KAZN: variants seen among roughly 807,000 people sequenced by gnomAD.
The protein encoded by KAZN is kazrin, periplakin interacting protein, also known as kazrin.
A neutral mutation model predicts 87.4 loss-of-function variants in KAZN; 40 were observed. The ratio of observed to expected loss-of-function variants is 0.46; its 90% CI spans 0.36 to 0.60. KAZN has a LOEUF of 0.60. Among genes scored for constraint, KAZN ranks in the 20% least tolerant of loss-of-function variants. KAZN has a pLI of 0.00. For synonymous variants in KAZN, 466 were observed against 458.3 expected (o/e 1.02, Z -0.22); for missense variants, 898 against 1,073.9 (o/e 0.84, Z 2.29).
chr1:14,591,008 T>G (rs183023529), intron 2 of KAZN, among the ~76,000 whole-genome samples: 10 of 152,192 alleles, frequency 6.6e-5, no homozygotes, highest in Admixed American at 2.0e-4. Context: ...TCAGCTAACA[T>G]CCTCCTGCTA....
At chr1:14,933,074 T>G (rs1251032290) in intron 1 of KAZN, among the ~76,000 whole-genome samples, 1 of 152,174 alleles carries the variant, frequency 6.6e-6, no homozygotes, top group Non-Finnish European at 1.5e-5. Flanking sequence ...CACACCGTAG[T>G]TGCAGGGTTC....
intron 1 of KAZN, among the ~76,000 whole-genome samples, chr1:14,883,344 A>AGAGAGAGAGAGAGAGAGAGAGAGAG (rs1557586164): frequency 2.4e-4 from 7 of 29,678 alleles, no homozygotes; most frequent in Admixed American, 5.1e-4. Context: ...GAGAGAGAGA[A>AGAGAGAGAGAGAGAGAGAGAGAGAG]AGAAAGAAAG....
chr1:15,112,516 GC>G lies in KAZN; in HGVS notation c.2139del (p.Ser713ArgfsTer15). ...VTRAGKEENS[S>X]GLKYKAGRLP... ...CGGGCAGGAAAGGAGGAGAACAGCA[GC>G]GGTCTCAAGTACAAGGCTGGCCGGG... On this transcript the variant is annotated frameshift_variant, in exon 14 of 15. Transcript: ENST00000376030. LOFTEE classifies it high-confidence loss of function. 6.2e-7 allele frequency: 1 copy of G among 1,605,744 alleles called. No individual in the cohort carries two copies. The highest frequency in any genetic ancestry group is 8.5e-7 in the Non-Finnish European group (1 of 1,176,874).
chr1:14,654,007 C>T (rs1638619413), intron 1 of KAZN, among the ~76,000 whole-genome samples: 1 of 152,168 alleles, frequency 6.6e-6, no homozygotes, highest in Non-Finnish European at 1.5e-5. Flanking sequence ...ATCTCCAGGC[C>T]AGGCACGATG....
intron 1 of KAZN, among the ~76,000 whole-genome samples, chr1:13,988,668 T>G (rs1370508120): frequency 6.6e-6 from 1 of 152,162 alleles, no homozygotes; most frequent in Non-Finnish European, 1.5e-5. Flanking sequence ...AGTCCAGCTA[T>G]GTGAGTAGGA....
In KAZN at chr1:14,067,238, C is replaced by T. The variant is rs558285009; in HGVS notation, c.92-113197C>T. Among the ~76,000 whole-genome samples the T allele has an allele frequency of 3.9e-5, 6 of 152,314 alleles. No homozygotes were observed. The South Asian group carries it at 1.2e-3, about 32-fold the overall frequency. ...CACAGTGCCTGTCCCGTGATAGGCT[C>T]TGAGTCTACGTTTGTTGAACAAGTG... On this transcript the variant is annotated intron_variant, in intron 1 of 16. Transcript: ENST00000636203.
chr1:14,533,725 C>T (rs1157903251), intron 2 of KAZN, among the ~76,000 whole-genome samples: 36 of 152,152 alleles, frequency 2.4e-4, no homozygotes, highest in Admixed American at 1.7e-3. Flanking sequence ...TCAGGTGTCA[C>T]GTGCTTCATG....
intron 2 of KAZN, among the ~76,000 whole-genome samples, chr1:14,387,627 G>C (rs949385802): frequency 9.2e-5 from 14 of 152,160 alleles, no homozygotes; most frequent in Non-Finnish European, 1.5e-4. Flanking sequence ...AGGCTGCTCG[G>C]GGTTCAGGGG....
chr1:14,659,834 A>C (rs1043189756), intron 1 of KAZN, among the ~76,000 whole-genome samples: 1 of 151,598 alleles, frequency 6.6e-6, no homozygotes, highest in African/African-American at 2.4e-5. Flanking sequence ...AATGGAAAAA[A>C]CCCTGAATGC....
intron 1 of KAZN, among the ~76,000 whole-genome samples, chr1:14,139,697 C>G (rs1318555812): frequency 6.6e-6 from 1 of 152,200 alleles, no homozygotes; most frequent in Non-Finnish European, 1.5e-5. Flanking sequence ...CAGTGCCCAG[C>G]AGGGCATGGG....
chr1:14,916,195 A>T (rs546836578), intron 1 of KAZN, among the ~76,000 whole-genome samples: 2 of 101,026 alleles, frequency 2.0e-5, no homozygotes, highest in Admixed American at 1.3e-4. Flanking sequence ...TTTTTGACAG[A>T]GTCTCGCTTT....
chr1:14,855,711 A>G (rs1322790353), intron 1 of KAZN, among the ~76,000 whole-genome samples: 1 of 152,250 alleles, frequency 6.6e-6, no homozygotes, highest in African/African-American at 2.4e-5. Flanking sequence ...GGCACTTTGA[A>G]TAACCCAGTG....
intron 1 of KAZN, among the ~76,000 whole-genome samples, chr1:13,981,903 T>C (rs772664308): frequency 1.1e-4 from 16 of 152,146 alleles, no homozygotes; most frequent in Non-Finnish European, 2.1e-4. Context: ...TCTTAAACAT[T>C]AGAGGGTGGG....
rs548238753 is a variant in KAZN at position 14,222,777 on chromosome 1, A to G, written c.249+42185A>G. Among the ~76,000 whole-genome samples, 21 of 152,322 alleles carry G rather than the reference A, an allele frequency of 1.4e-4. No homozygotes were observed. The South Asian group carries it at 4.3e-3, about 32-fold the overall frequency. Reference sequence around the variant, plus strand: ...CTAAGGATGACGTTCTTTCACTACCAGAGTTGGTCTTTGAATCTACAAAGG... The same window carrying G: ...CTAAGGATGACGTTCTTTCACTACCGGAGTTGGTCTTTGAATCTACAAAGG... On this transcript the variant is annotated intron_variant, in intron 2 of 16. Coordinates refer to the KAZN transcript ENST00000636203.
chr1:14,030,271 CTGTT>C (rs1274739637), intron 1 of KAZN, among the ~76,000 whole-genome samples: 2 of 151,968 alleles, frequency 1.3e-5, no homozygotes, highest in South Asian at 2.1e-4. Flanking sequence ...ATTTGGCTCT[CTGTT>C]TGTCTGTTGT....
At chr1:14,001,656 A>T (rs1639797521) in intron 1 of KAZN, among the ~76,000 whole-genome samples, 1 of 152,204 alleles carries the variant, frequency 6.6e-6, no homozygotes, top group South Asian at 2.1e-4. Flanking sequence ...CAAAACAGAC[A>T]TATAGACCAA....
rs75201924 is a variant in KAZN, at chr1:14,390,480, A to G, written c.250-208503A>G. On this transcript the variant is annotated intron_variant, in intron 2 of 16. Transcript: ENST00000636203. ...GAATAAAGATCTGAAGGAAGTGAGG[A>G]AGAAAGCTGTGCAAATGTTTTGGGG... is the stretch of plus-strand genomic sequence containing the variant. Among the ~76,000 whole-genome samples, 442 of 152,316 alleles carry G rather than the reference A, an allele frequency of 2.9e-3. 1 individual carries two copies. Among genetic ancestry groups the G allele is most frequent in the African/African-American group, 9.6e-3 (400 of 41,570 alleles).
chr1:14,245,260 A>C (rs1452978167), intron 2 of KAZN, among the ~76,000 whole-genome samples: 2 of 152,058 alleles, frequency 1.3e-5, no homozygotes, highest in East Asian at 3.9e-4. Context: ...TTCCCCAGGC[A>C]GGAGAGGGCA....
intron 1 of KAZN, among the ~76,000 whole-genome samples, chr1:14,903,908 A>G (rs1656204054): frequency 6.6e-6 from 1 of 152,206 alleles, no homozygotes; most frequent in Non-Finnish European, 1.5e-5. Flanking sequence ...CAGAGGAGAC[A>G]AATAAAGCCC....
Sources: gnomAD v4.1 joint callset for allele counts (sites outside exome capture counted in the v4.1 genomes callset) on GRCh38, gnomAD v4.1.1 for gene constraint, MANE v1.5 for transcripts, NCBI Gene and HGNC (gene_info 2026-07-23, HGNC 2026-07-21) for gene names.